Variants in KIF16B observed in about 807,000 individuals in gnomAD.
KIF16B encodes kinesin-like protein KIF16B.
KIF16B carries 98 observed loss-of-function variants against 156.3 expected under a neutral mutation model. That is an observed-to-expected ratio of 0.63 (90% CI 0.53 to 0.74). The LOEUF is 0.74. KIF16B is among the 30% of genes least tolerant of loss of function. The probability of loss-of-function intolerance (pLI) is 0.00; values close to 1 mark genes in which losing one functional copy is unlikely to be tolerated. For synonymous variants in KIF16B, 564 were observed against 583.7 expected, an observed-to-expected ratio of 0.97 and a Z score of 0.49; for missense variants, 1,421 against 1,606.5, an observed-to-expected ratio of 0.88 and a Z score of 1.97.
intron 1 of KIF16B, among the ~76,000 whole-genome samples, chr20:16,537,814 G>A (rs909388528): frequency 2.8e-5 from 4 of 144,554 alleles, no homozygotes; most frequent in South Asian, 2.2e-4. Flanking sequence ...AGCAATTCTC[G>A]TGCCTCAGCT....
chr20:16,419,531 T>C (rs1446613207), intron 15 of KIF16B, among the ~76,000 whole-genome samples: 4 of 152,160 alleles, frequency 2.6e-5, no homozygotes, highest in Non-Finnish European at 5.9e-5. Flanking sequence ...AGTACTTGAA[T>C]AGATGAAAAT....
intron 12 of KIF16B, among the ~76,000 whole-genome samples, chr20:16,493,317 T>C (rs1535089): frequency 0.019 from 2,851 of 152,286 alleles, 84 homozygotes; most frequent in African/African-American, 0.066. Flanking sequence ...CATAATATAA[T>C]GCTGAGCCTG....
intron 6 of KIF16B, 92 bp downstream of exon 6, chr20:16,511,326 A>G (rs2068948437): frequency 3.0e-6 from 2 of 657,236 alleles, no homozygotes; most frequent in Admixed American, 2.9e-5. Flanking sequence ...ATAAATTTTT[A>G]AAAGCTCACC....
chr20:16,548,262 C>G (rs111283301), intron 1 of KIF16B, among the ~76,000 whole-genome samples: 1 of 152,164 alleles, frequency 6.6e-6, no homozygotes, highest in South Asian at 2.1e-4. Context: ...GAGGGAGCTA[C>G]AAGGTTCGGA....
At chr20:16,477,463 G>T (rs2146809723) in intron 12 of KIF16B, among the ~76,000 whole-genome samples, 1 of 152,284 alleles carries the variant, frequency 6.6e-6, no homozygotes, top group South Asian at 2.1e-4. Context: ...ATGTTTAGAT[G>T]ATGACTCCTG....
chr20:16,296,315 T>C (rs1422989133), intron 25 of KIF16B, among the ~76,000 whole-genome samples: 1 of 152,202 alleles, frequency 6.6e-6, no homozygotes, highest in Non-Finnish European at 1.5e-5. Context: ...AGACATTTAA[T>C]AAAAGAAAAC....
chr20:16,526,208 A>G lies in KIF16B; in HGVS notation c.118-3T>C. ...TCCCCAGTGCCTCCTTCTGGTATCT[A>G]GAAAGAAATGATTAGAATAATAATG... On this transcript the variant is annotated splice_polypyrimidine_tract_variant and splice_region_variant and intron_variant, in intron 2 of 25. Coordinates refer to ENST00000354981, the MANE Select transcript of KIF16B (RefSeq NM_024704.5). 2.0e-6 allele frequency: 3 copies of G among 1,508,504 alleles called. 1 individual carries two copies. Among genetic ancestry groups the G allele is most frequent in the Non-Finnish European group, 1.8e-6 (2 of 1,097,340 alleles). 93.4% of individuals were successfully genotyped at this position (1,508,504 alleles called of 1,614,324 possible).
At chr20:16,275,901 G>A (rs757933254) in intron 25 of KIF16B, among the ~76,000 whole-genome samples, 2 of 152,194 alleles carry the variant, frequency 1.3e-5, no homozygotes, top group Non-Finnish European at 1.5e-5. Context: ...CAATGCTCGC[G>A]GTGCAATGCA....
chr20:16,540,738 G>A (rs1316612367), intron 1 of KIF16B, among the ~76,000 whole-genome samples: 1 of 152,000 alleles, frequency 6.6e-6, no homozygotes, highest in Non-Finnish European at 1.5e-5. Context: ...TAGTTTCTCT[G>A]TTCCACCCAA....
intron 25 of KIF16B, among the ~76,000 whole-genome samples, chr20:16,291,867 C>T (rs1221790630): frequency 6.6e-6 from 1 of 152,184 alleles, no homozygotes; most frequent in African/African-American, 2.4e-5. Flanking sequence ...AAATACCGCA[C>T]ACCCTGGAGA....
At chr20:16,281,943 T>C (rs1332922760) in intron 25 of KIF16B, among the ~76,000 whole-genome samples, 1 of 152,112 alleles carries the variant, frequency 6.6e-6, no homozygotes, top group Non-Finnish European at 1.5e-5. Flanking sequence ...TCAGACTTCA[T>C]TCATGCACCC....
intron 15 of KIF16B, among the ~76,000 whole-genome samples, chr20:16,409,409 G>T (rs1017697215): frequency 2.0e-5 from 3 of 152,026 alleles, no homozygotes; most frequent in Non-Finnish European, 2.9e-5. Context: ...AATGTTTCAG[G>T]ATGTAAAGGA....
At chr20:16,463,565 C>T (rs1374055177) in intron 12 of KIF16B, among the ~76,000 whole-genome samples, 1 of 152,116 alleles carries the variant, frequency 6.6e-6, no homozygotes, top group Non-Finnish European at 1.5e-5. Context: ...AACACACACA[C>T]ACGATAAAAA....
At chr20:16,525,121 C>A (rs2069492822) in intron 3 of KIF16B, among the ~76,000 whole-genome samples, 1 of 152,040 alleles carries the variant, frequency 6.6e-6, no homozygotes, top group Non-Finnish European at 1.5e-5. Context: ...CACGTGTATA[C>A]CTATGTAACA....
chr20:16,397,313 A>C (rs2065531387), intron 17 of KIF16B, among the ~76,000 whole-genome samples: 1 of 152,222 alleles, frequency 6.6e-6, no homozygotes, highest in African/African-American at 2.4e-5. Flanking sequence ...TAATCCAAAA[A>C]TTCTCTGGCA....
At chr20:16,507,299 C>T (rs1182181659) in intron 7 of KIF16B, among the ~76,000 whole-genome samples, 2 of 152,164 alleles carry the variant, frequency 1.3e-5, no homozygotes, top group South Asian at 2.1e-4. Context: ...TAATAAAATG[C>T]TGCCTCTTTG....
At chr20:16,498,172 T>A (rs542112623) in intron 10 of KIF16B, among the ~76,000 whole-genome samples, 1 of 152,276 alleles carries the variant, frequency 6.6e-6, no homozygotes, top group African/African-American at 2.4e-5. Flanking sequence ...TCCTTATCCC[T>A]GTCGAAGAAG....
intron 12 of KIF16B, among the ~76,000 whole-genome samples, chr20:16,479,623 A>G (rs1308099315): frequency 1.3e-5 from 2 of 152,212 alleles, no homozygotes; most frequent in African/African-American, 2.4e-5. Flanking sequence ...TGGTGGTACC[A>G]TAAGATTATA....
At chr20:16,378,772 A>G in intron 19 of KIF16B, 33 bp downstream of exon 19, 1 of 1,537,564 alleles carries the variant, frequency 6.5e-7, no homozygotes, top group Non-Finnish European at 8.7e-7. Flanking sequence ...TTTGGCACCC[A>G]CTGTATGCCA....
Sources: gnomAD v4.1 joint callset for allele counts (sites outside exome capture counted in the v4.1 genomes callset) on GRCh38, gnomAD v4.1.1 for gene constraint, MANE v1.5 for transcripts, NCBI Gene and HGNC (gene_info 2026-07-23, HGNC 2026-07-21) for gene names.